Variants in NTM observed in about 807,000 individuals in gnomAD.
The protein encoded by NTM is IgLON family member 2.
Under a neutral mutation model 42.1 loss-of-function variants are expected in NTM, and 13 were observed. The observed-to-expected ratio is 0.31, with a 90% CI of 0.20 to 0.49. The LOEUF is 0.49. Ranked by LOEUF, NTM falls within the 20% of genes least tolerant of loss-of-function variation. NTM has a pLI of 0.99. For synonymous variants in NTM, 187 were observed against 179.2 expected (o/e 1.04, Z -0.35); for missense variants, 373 against 452.8 (o/e 0.82, Z 1.60).
chr11:131,927,758 CAT>C (rs1366731186), intron 2 of NTM, among the ~76,000 whole-genome samples: 1 of 152,204 alleles, frequency 6.6e-6, no homozygotes, highest in African/African-American at 2.4e-5. Context: ...GTTACAGAGA[CAT>C]AAAATCACAG....
intron 1 of NTM, among the ~76,000 whole-genome samples, chr11:131,721,871 C>T (rs111324746): frequency 7.9e-5 from 12 of 151,518 alleles, no homozygotes; most frequent in African/African-American, 2.4e-4. Flanking sequence ...TGGTCGTGGG[C>T]GCCTGTAATT....
At chr11:131,760,281 C>A (rs921083112) in intron 1 of NTM, among the ~76,000 whole-genome samples, 1 of 152,020 alleles carries the variant, frequency 6.6e-6, no homozygotes, top group African/African-American at 2.4e-5. Context: ...TGGGTCACTT[C>A]GGATGGAAGC....
intron 2 of NTM, among the ~76,000 whole-genome samples, chr11:132,106,287 C>T (rs2136658773): frequency 6.6e-6 from 1 of 152,314 alleles, no homozygotes. Context: ...CCCTCTCTTT[C>T]CTTTGCCTTT....
At chr11:131,972,498 C>T (rs550483006) in intron 2 of NTM, among the ~76,000 whole-genome samples, 1 of 152,232 alleles carries the variant, frequency 6.6e-6, no homozygotes, top group East Asian at 1.9e-4. Context: ...AAAGGTAGGG[C>T]TATAGCTTTG....
At chr11:131,736,522 C>T (rs561135937) in intron 1 of NTM, among the ~76,000 whole-genome samples, 27 of 152,198 alleles carry the variant, frequency 1.8e-4, no homozygotes, top group Non-Finnish European at 3.1e-4. Flanking sequence ...GCCCTTTCTG[C>T]CAATCAGCCC....
intron 1 of NTM, among the ~76,000 whole-genome samples, chr11:131,430,894 G>T (rs369493585): frequency 7.9e-5 from 12 of 152,326 alleles, no homozygotes; most frequent in African/African-American, 2.9e-4. Context: ...CGCCCTAATA[G>T]CCTGTCTCCC....
chr11:131,731,080 T>A (rs1488346508), intron 1 of NTM, among the ~76,000 whole-genome samples: 1 of 152,224 alleles, frequency 6.6e-6, no homozygotes, highest in African/African-American at 2.4e-5. Context: ...TGATTTTTTA[T>A]GCTATAAAAA....
chr11:131,738,924 C>CAA (rs2080833290), intron 1 of NTM, among the ~76,000 whole-genome samples: 1 of 152,184 alleles, frequency 6.6e-6, no homozygotes, highest in African/African-American at 2.4e-5. Context: ...TCAAATGAGT[C>CAA]AAAGCCCCAG....
At chr11:131,929,053 A>G (rs966948532) in intron 2 of NTM, among the ~76,000 whole-genome samples, 1 of 152,278 alleles carries the variant, frequency 6.6e-6, no homozygotes, top group African/African-American at 2.4e-5. Flanking sequence ...ACACCGTTCT[A>G]GACCCTGAGA....
Position 132,002,311 on chromosome 11 carries a change from T to C in NTM, c.167+90663T>C, listed in dbSNP as rs541969473. 1.3e-5 allele frequency among the ~76,000 whole-genome samples: 2 copies of C among 152,314 alleles called. No individual in the cohort carries two copies. The highest frequency in any genetic ancestry group is 4.1e-4 in the South Asian group (2 of 4,826). On this transcript the variant is annotated intron_variant, in intron 2 of 8. Coordinates refer to ENST00000683400, the MANE Select transcript of NTM (RefSeq NM_001352005.2). This position sits in a 1 kb window ranked among gnomAD's most constrained non-coding sequence, Gnocchi z 4.5. The stretch of plus-strand genomic sequence containing the variant: ...CGATGAAATTTAATAATTATTTAGT[T>C]ATTTGGAACATTAATATGCTGGTGT...
rs367970023 is a variant in NTM at position 131,676,437 on chromosome 11, C to CTGTGTG, written c.83-235115_83-235110dup. 9.4e-4 allele frequency among the ~76,000 whole-genome samples: 142 copies of CTGTGTG among 150,906 alleles called. 2 individuals carry two copies. The highest frequency in any genetic ancestry group is 3.3e-4 in the Non-Finnish European group (22 of 67,632). On this transcript the variant is annotated intron_variant, in intron 1 of 8. Coordinates refer to ENST00000683400, the MANE Select transcript of NTM (RefSeq NM_001352005.2). ...TTTCTAGCACTGAGGGTGTGTGTAT[C>CTGTGTG]TGTGTGTGTGTGTGTGTCTGTGCCT...
intron 2 of NTM, among the ~76,000 whole-genome samples, chr11:132,048,459 C>G (rs925976521): frequency 6.6e-6 from 1 of 152,198 alleles, no homozygotes; most frequent in Admixed American, 6.5e-5. Flanking sequence ...ACAGGACAAC[C>G]ATGACAGCCA....
rs7949800 is a variant in NTM, at chr11:131,874,030, A to T, written c.83-37534A>T. 3.4e-3 allele frequency among the ~76,000 whole-genome samples: 256 copies of T among 76,184 alleles called. 11 individuals carry two copies. The highest frequency in any genetic ancestry group is 4.8e-3 in the Non-Finnish European group (162 of 33,874). 50.0% of individuals were successfully genotyped at this position (76,184 alleles called of 152,430 possible). ...ATAATATATTTATATAATATAATAT[A>T]ATATATATATATATATATATATATA... On this transcript the variant is annotated intron_variant, in intron 1 of 8. Transcript: ENST00000683400.
chr11:131,900,903 G>A (rs192704021), intron 1 of NTM, among the ~76,000 whole-genome samples: 1 of 152,078 alleles, frequency 6.6e-6, no homozygotes, highest in East Asian at 1.9e-4. Context: ...CCATAAAAAT[G>A]TTTGGGCCAA....
intron 1 of NTM, chr11:131,794,672 A>G: frequency 2.0e-6 from 2 of 985,332 alleles, no homozygotes; most frequent in Non-Finnish European, 2.4e-6. Flanking sequence ...GCAAAACTGC[A>G]CCTTTTAGAA....
Position 131,494,957 on chromosome 11 carries a change from T to C in NTM, c.82+124069T>C, listed in dbSNP as rs150698138. 1.1e-3 allele frequency among the ~76,000 whole-genome samples: 173 copies of C among 152,364 alleles called. 1 individual carries two copies. Among genetic ancestry groups the C allele is most frequent in the African/African-American group, 4.1e-3 (171 of 41,588 alleles). ...ATATGTATGACAACATTTCTCCTCA[T>C]ATTATTGTATCACACCATCCTTAAT... On this transcript the variant is annotated intron_variant, in intron 1 of 8. Coordinates refer to ENST00000683400, the MANE Select transcript of NTM (RefSeq NM_001352005.2).
rs148270529 is a variant in NTM at position 132,158,086 on chromosome 11, G to A, written c.400+11572G>A. On this transcript the variant is annotated intron_variant, in intron 3 of 8. Coordinates refer to ENST00000683400, the MANE Select transcript of NTM (RefSeq NM_001352005.2). ...GCGAAAGCATTTCTGTGCAGGCTTCGTTGTTCCTGATTTAGTCGCTTCCTG... is the reference window on the plus strand; with the variant it reads ...GCGAAAGCATTTCTGTGCAGGCTTCATTGTTCCTGATTTAGTCGCTTCCTG... Among the ~76,000 whole-genome samples the A allele has an allele frequency of 6.7e-3, 1,015 of 152,276 alleles. 14 individuals are homozygous for A. The highest frequency in any genetic ancestry group is 0.022 in the African/African-American group (929 of 41,548).
intron 1 of NTM, among the ~76,000 whole-genome samples, chr11:131,484,083 AG>A (rs1191609906): frequency 1.3e-5 from 2 of 152,194 alleles, no homozygotes; most frequent in South Asian, 2.1e-4. Flanking sequence ...ACTGAGTCCC[AG>A]GGGGCACATT....
At chr11:131,663,832 CTA>C (rs1457611572) in intron 1 of NTM, among the ~76,000 whole-genome samples, 3 of 152,116 alleles carry the variant, frequency 2.0e-5, no homozygotes, top group Non-Finnish European at 4.4e-5. Flanking sequence ...CAAAGTAATT[CTA>C]TGATACTGGT....
Sources: allele counts gnomAD v4.1 joint callset (sites outside exome capture counted in the v4.1 genomes callset), GRCh38; gene constraint gnomAD v4.1.1; non-coding constraint Gnocchi (gnomAD v3.1); transcripts MANE v1.5; gene names NCBI Gene and HGNC (gene_info 2026-07-23, HGNC 2026-07-21).